Variants in TYW1B observed in about 807,000 individuals in gnomAD.
TYW1B encodes S-adenosyl-L-methionine-dependent tRNA 4-demethylwyosine synthase TYW1B.
A neutral mutation model predicts 86.9 loss-of-function variants in TYW1B; 73 were observed. That is an observed-to-expected ratio of 0.84 (90% CI 0.70 to 1.02). TYW1B has a LOEUF of 1.02. TYW1B is among the 50% of genes least tolerant of loss of function. The probability of loss-of-function intolerance (pLI) is 0.00; values close to 1 mark genes in which losing one functional copy is unlikely to be tolerated. For synonymous variants in TYW1B, 248 were observed against 292.8 expected (o/e 0.85, Z 1.56); for missense variants, 637 against 827.4 (o/e 0.77, Z 2.82).
intron 13 of TYW1B, among the ~76,000 whole-genome samples, chr7:72,582,639 G>A (rs372916028): frequency 3.9e-4 from 60 of 152,302 alleles, no homozygotes; most frequent in East Asian, 2.3e-3. Context: ...AGACAGAGCT[G>A]GTGATCTCAG....
chr7:72,656,032 C>T (rs1320521785), intron 11 of TYW1B, among the ~76,000 whole-genome samples: 2 of 152,204 alleles, frequency 1.3e-5, no homozygotes, highest in East Asian at 3.8e-4. Context: ...CTGGCCCGAC[C>T]AGGACCCCAC....
Position 72,812,997 on chromosome 7 carries a change from G to GT in TYW1B, c.238-2333dup, listed in dbSNP as rs200874066. Among the ~76,000 whole-genome samples the GT allele has an allele frequency of 2.5e-3, 372 of 151,416 alleles. 1 individual carries two copies. The highest frequency in any genetic ancestry group is 6.4e-3 in the African/African-American group (263 of 41,296). Reference sequence around the variant, plus strand: ...GCAAGAGCCACCCCACCTGGCCTCTGTTTTTTTTAAAGAAAGTTTTAGTGG... The same window carrying GT: ...GCAAGAGCCACCCCACCTGGCCTCTGTTTTTTTTTAAAGAAAGTTTTAGTGG... On this transcript the variant is annotated intron_variant, in intron 3 of 13. Coordinates refer to ENST00000620995, the MANE Select transcript of TYW1B (RefSeq NM_001145440.3).
At chr7:72,717,684 T>TTC (rs1180434185) in intron 9 of TYW1B, among the ~76,000 whole-genome samples, 1 of 150,152 alleles carries the variant, frequency 6.7e-6, no homozygotes, top group African/African-American at 2.5e-5. Flanking sequence ...CACACTCTAA[T>TTC]TCTCTCTCTC....
intron 11 of TYW1B, among the ~76,000 whole-genome samples, chr7:72,652,513 G>A (rs1554442971): frequency 6.6e-6 from 1 of 151,142 alleles, no homozygotes; most frequent in Non-Finnish European, 1.5e-5. Flanking sequence ...AAAGAAGCTA[G>A]TCAAAATAAA....
chr7:72,732,675 A>G (rs1554460167), intron 8 of TYW1B, among the ~76,000 whole-genome samples: 1 of 152,192 alleles, frequency 6.6e-6, no homozygotes, highest in Non-Finnish European at 1.5e-5. Flanking sequence ...ATGATTTCAA[A>G]TATCAATCTA....
intron 10 of TYW1B, among the ~76,000 whole-genome samples, chr7:72,704,659 C>T (rs3015843): frequency 0.056 from 8,484 of 151,824 alleles, 553 homozygotes; most frequent in East Asian, 0.33. Context: ...ACCAACATTA[C>T]TTAGCCTGCC....
At chr7:72,595,869 G>C (rs192355929) in intron 13 of TYW1B, among the ~76,000 whole-genome samples, 10 of 152,100 alleles carry the variant, frequency 6.6e-5, no homozygotes, top group African/African-American at 2.4e-4. Context: ...TGGATTGAAA[G>C]ACTTAATATT....
At chr7:72,728,152 G>A (rs1787036641) in intron 9 of TYW1B, among the ~76,000 whole-genome samples, 1 of 151,856 alleles carries the variant, frequency 6.6e-6, no homozygotes, top group Non-Finnish European at 1.5e-5. Flanking sequence ...CATTATTTAA[G>A]ACTTTCCACT....
At position 72,637,438 on chromosome 7, in the gene TYW1B, A is replaced by ATCT. The variant is rs1554440923; in HGVS notation, c.1507-8442_1507-8441insAGA. Among the ~76,000 whole-genome samples, 564 of 148,990 alleles carry ATCT rather than the reference A, an allele frequency of 3.8e-3. 4 individuals are homozygous for ATCT. Among genetic ancestry groups the ATCT allele is most frequent in the African/African-American group, 0.013 (536 of 40,006 alleles). ...TAATTGGCATAAAGTAATTCAAAAT[A>ATCT]TCCTATCTTTTTAATGTCTATAGGA... On this transcript the variant is annotated intron_variant, in intron 11 of 13. Transcript: ENST00000620995.
chr7:72,638,278 T>C (rs1554441036), intron 11 of TYW1B, among the ~76,000 whole-genome samples: 1 of 151,902 alleles, frequency 6.6e-6, no homozygotes, highest in Non-Finnish European at 1.5e-5. Context: ...ACTAAAATAC[T>C]CCCAGGAAAA....
At chr7:72,739,181 G>A (rs1413627843) in intron 8 of TYW1B, among the ~76,000 whole-genome samples, 1 of 152,098 alleles carries the variant, frequency 6.6e-6, no homozygotes, top group Non-Finnish European at 1.5e-5. Context: ...CAATATGATG[G>A]CAAGGATTTG....
intron 11 of TYW1B, among the ~76,000 whole-genome samples, chr7:72,674,297 A>G (rs568673663): frequency 4.1e-4 from 62 of 152,270 alleles, no homozygotes; most frequent in African/African-American, 1.4e-3. Flanking sequence ...AAGAGGAAGA[A>G]GTGCATGGTG....
intron 8 of TYW1B, among the ~76,000 whole-genome samples, chr7:72,731,053 A>C (rs1231343177): frequency 6.6e-6 from 1 of 150,894 alleles, no homozygotes; most frequent in East Asian, 1.9e-4. Flanking sequence ...AACCTCCATA[A>C]GAATAACAGC....
chr7:72,781,066 G>A (rs1438974048), intron 6 of TYW1B, among the ~76,000 whole-genome samples: 4 of 151,932 alleles, frequency 2.6e-5, no homozygotes, highest in Admixed American at 6.6e-5. Context: ...GAGTGGCCAA[G>A]TTCTGTAACC....
intron 13 of TYW1B, among the ~76,000 whole-genome samples, chr7:72,583,685 T>A (rs537272301): frequency 6.6e-6 from 1 of 152,302 alleles, no homozygotes; most frequent in South Asian, 2.1e-4. Flanking sequence ...AGCCAAAAAA[T>A]GTAGGGCAGA....
chr7:72,586,180 G>A (rs542654875), intron 13 of TYW1B, among the ~76,000 whole-genome samples: 1 of 152,178 alleles, frequency 6.6e-6, no homozygotes, highest in Middle Eastern at 3.2e-3. Context: ...TCCATGCTTG[G>A]AGCTTCCAGT....
At chr7:72,625,049 A>C (rs1812309194) in intron 12 of TYW1B, among the ~76,000 whole-genome samples, 2 of 137,416 alleles carry the variant, frequency 1.5e-5, no homozygotes, top group Admixed American at 7.3e-5. Flanking sequence ...ACAGAGTAAG[A>C]ACCTGTCTCA....
chr7:72,706,142 T>C (rs1814607611), intron 10 of TYW1B, among the ~76,000 whole-genome samples: 1 of 152,108 alleles, frequency 6.6e-6, no homozygotes, highest in African/African-American at 2.4e-5. Flanking sequence ...ATGAATATTC[T>C]CTCCGGCCAG....
intron 13 of TYW1B, among the ~76,000 whole-genome samples, chr7:72,589,454 G>C (rs1554431035): frequency 6.6e-6 from 1 of 152,230 alleles, no homozygotes; most frequent in African/African-American, 2.4e-5. Flanking sequence ...AAATAAAGAT[G>C]TTTTGGGGAG....
Sources: allele counts gnomAD v4.1 joint callset (sites outside exome capture counted in the v4.1 genomes callset), GRCh38; gene constraint gnomAD v4.1.1; transcripts MANE v1.5; gene names NCBI Gene and HGNC (gene_info 2026-07-23, HGNC 2026-07-21).